The following UBE2E2 variants were observed in gnomAD, a reference collection of about 807,000 sequenced individuals.
UBE2E2 encodes the protein ubiquitin-conjugating enzyme E2 E2.
In UBE2E2, 6 loss-of-function variants were observed where a neutral mutation model predicts 24.7. That is an observed-to-expected ratio of 0.24 (90% confidence interval 0.13 to 0.48). The LOEUF (loss-of-function observed/expected upper bound fraction) is 0.48. Among genes scored for constraint, UBE2E2 ranks in the 20% least tolerant of loss-of-function variants. The pLI is 0.99. For missense variants in UBE2E2, 169 were observed against 245.0 expected (o/e 0.69, Z 2.07); for synonymous variants, 104 against 83.6 (o/e 1.24, Z -1.33).
intron 2 of UBE2E2, among the ~76,000 whole-genome samples, chr3:23,210,821 G>A (rs1340256086): frequency 2.6e-5 from 4 of 152,144 alleles, no homozygotes; most frequent in African/African-American, 7.2e-5. Flanking sequence ...TCAAATTGTG[G>A]TTCATGATCT....
chr3:23,544,194 A>G (rs890063762), intron 5 of UBE2E2, among the ~76,000 whole-genome samples: 9 of 152,332 alleles, frequency 5.9e-5, no homozygotes, highest in Non-Finnish European at 1.0e-4. Flanking sequence ...ATGCAGCAAA[A>G]ACAAAAATAA....
At chr3:23,300,093 A>C (rs1185854294) in intron 3 of UBE2E2, among the ~76,000 whole-genome samples, 1 of 152,088 alleles carries the variant, frequency 6.6e-6, no homozygotes, top group Non-Finnish European at 1.5e-5. Flanking sequence ...TTTATCAGAG[A>C]CTAGGATTGC....
intron 3 of UBE2E2, among the ~76,000 whole-genome samples, chr3:23,428,928 TAAAAAAAA>T (rs34525850): frequency 2.9e-4 from 22 of 75,904 alleles, no homozygotes; most frequent in African/African-American, 1.1e-4. Context: ...CTCTGTCTCT[TAAAAAAAA>T]AAAAAAAAAA....
At chr3:23,485,670 A>G (rs1030096340) in intron 3 of UBE2E2, among the ~76,000 whole-genome samples, 10 of 152,170 alleles carry the variant, frequency 6.6e-5, no homozygotes, top group Admixed American at 1.3e-4. Flanking sequence ...CTGCCTTCAG[A>G]TGTTATAGGA....
intron 3 of UBE2E2, among the ~76,000 whole-genome samples, chr3:23,221,835 C>T (rs1416074780): frequency 1.3e-5 from 2 of 152,064 alleles, no homozygotes; most frequent in Admixed American, 6.6e-5. Context: ...CGGGGTTTCA[C>T]CGTGTTGGCC....
chr3:23,546,806 T>A (rs1695534933), intron 5 of UBE2E2, among the ~76,000 whole-genome samples: 1 of 152,144 alleles, frequency 6.6e-6, no homozygotes, highest in African/African-American at 2.4e-5. Context: ...TTTTAAAAAT[T>A]ATCTTTTAAT....
intron 3 of UBE2E2, among the ~76,000 whole-genome samples, chr3:23,242,866 A>G (rs1037579319): frequency 1.3e-5 from 2 of 152,030 alleles, no homozygotes; most frequent in Non-Finnish European, 2.9e-5. Flanking sequence ...CGGGAGGATC[A>G]CCTGAGGTCA....
chr3:23,273,478 C>T (rs1170740707), intron 3 of UBE2E2, among the ~76,000 whole-genome samples: 1 of 151,358 alleles, frequency 6.6e-6, no homozygotes, highest in East Asian at 1.9e-4. Flanking sequence ...TTGCAGTGAG[C>T]CGAGATTGCG....
intron 3 of UBE2E2, among the ~76,000 whole-genome samples, chr3:23,362,107 A>G (rs578244197): frequency 9.7e-4 from 148 of 152,320 alleles, no homozygotes; most frequent in African/African-American, 3.3e-3. Context: ...CACCACTCTC[A>G]TGGAGATAAA....
intron 3 of UBE2E2, among the ~76,000 whole-genome samples, chr3:23,260,919 C>T (rs1379629468): frequency 3.3e-5 from 5 of 151,960 alleles, no homozygotes; most frequent in African/African-American, 1.2e-4. Flanking sequence ...GCATGGGCAA[C>T]GTGGCAAAAC....
intron 3 of UBE2E2, among the ~76,000 whole-genome samples, chr3:23,310,773 T>C (rs1167703273): frequency 6.6e-6 from 1 of 152,184 alleles, no homozygotes; most frequent in Non-Finnish European, 1.5e-5. Flanking sequence ...ATAATGTCAG[T>C]TGATGGCATG....
At position 23,407,468 on chromosome 3, in the gene UBE2E2, T is replaced by G. The variant is rs950719293; in HGVS notation, c.228-92140T>G. ...TTTAAACTTTTAATTCTGAAAATGTTCAAACATACACAAATGTAAAGAATT... is the reference window on the plus strand; with the variant it reads ...TTTAAACTTTTAATTCTGAAAATGTGCAAACATACACAAATGTAAAGAATT... On this transcript the variant is annotated intron_variant, in intron 3 of 5. Transcript: ENST00000396703. The surrounding 1 kb of genome is among the most constrained non-coding windows in gnomAD (Gnocchi z 4.0). 6.6e-6 allele frequency among the ~76,000 whole-genome samples: 1 copy of G among 152,162 alleles called. No individual in the cohort carries two copies. The highest frequency in any genetic ancestry group is 1.5e-5 in the Non-Finnish European group (1 of 68,022).
intron 5 of UBE2E2, among the ~76,000 whole-genome samples, chr3:23,552,400 A>T (rs769650477): frequency 3.9e-5 from 6 of 152,194 alleles, no homozygotes; most frequent in Non-Finnish European, 5.9e-5. Flanking sequence ...ATTCTGCATC[A>T]TGTACCAATT....
intron 3 of UBE2E2, among the ~76,000 whole-genome samples, chr3:23,305,517 G>A (rs1699217103): frequency 2.0e-5 from 3 of 152,152 alleles, no homozygotes; most frequent in Admixed American, 2.0e-4. Context: ...TTTTGCATCA[G>A]CAGTATAAAT....
chr3:23,513,156 C>A (rs1180220600), intron 4 of UBE2E2, among the ~76,000 whole-genome samples: 1 of 151,756 alleles, frequency 6.6e-6, no homozygotes, highest in African/African-American at 2.4e-5. Flanking sequence ...TTTCTTTTTT[C>A]TTTTCTCTCT....
intron 3 of UBE2E2, among the ~76,000 whole-genome samples, chr3:23,342,233 G>A (rs1695411851): frequency 6.7e-6 from 1 of 149,774 alleles, no homozygotes; most frequent in Non-Finnish European, 1.5e-5. Context: ...TGCCCAGGCT[G>A]GAGTGCAGTG....
At chr3:23,340,663 G>A (rs1403437563) in intron 3 of UBE2E2, among the ~76,000 whole-genome samples, 2 of 152,070 alleles carry the variant, frequency 1.3e-5, no homozygotes, top group Admixed American at 6.6e-5. Flanking sequence ...CTTTAGCCCT[G>A]GAAACCCTTC....
intron 3 of UBE2E2, among the ~76,000 whole-genome samples, chr3:23,416,722 A>G (rs941328963): frequency 6.6e-6 from 1 of 152,034 alleles, no homozygotes; most frequent in African/African-American, 2.4e-5. Context: ...ACATAGTCCC[A>G]TATTTCTTGG....
intron 3 of UBE2E2, among the ~76,000 whole-genome samples, chr3:23,421,433 T>C (rs1697794411): frequency 6.6e-6 from 1 of 152,192 alleles, no homozygotes; most frequent in South Asian, 2.1e-4. Context: ...TAAAAAAGAA[T>C]GAAATCATGT....
Sources: allele counts gnomAD v4.1 joint callset (sites outside exome capture counted in the v4.1 genomes callset), GRCh38; gene constraint gnomAD v4.1.1; non-coding constraint Gnocchi (gnomAD v3.1); transcripts MANE v1.5; gene names NCBI Gene and HGNC (gene_info 2026-07-23, HGNC 2026-07-21).